Variants in CAPN15 observed in about 807,000 individuals in gnomAD.
CAPN15 encodes calpain-15.
In CAPN15, 53 loss-of-function variants were observed where a neutral mutation model predicts 97.9. The ratio of observed to expected loss-of-function variants is 0.54; its 90% CI spans 0.43 to 0.68. The LOEUF (loss-of-function observed/expected upper bound fraction) is 0.68. Ranked by LOEUF, CAPN15 falls within the 30% of genes least tolerant of loss-of-function variation. The probability of loss-of-function intolerance (pLI) is 0.00; values close to 1 mark genes in which losing one functional copy is unlikely to be tolerated. For missense variants in CAPN15, 1,592 were observed against 1,589.8 expected (o/e 1.00, Z -0.02); for synonymous variants, 922 against 722.5 (o/e 1.28, Z -4.43).
chr16:528,826 T>C, intron 1 of CAPN15: 4 of 920,010 alleles, frequency 4.3e-6, no homozygotes, highest in Non-Finnish European at 5.2e-6. Flanking sequence ...TGAAGAGTTG[T>C]GTGCTTCTCC....
intron 13 of CAPN15, 119 bp from the exon 14 acceptor site, chr16:553,220 C>G: frequency 1.7e-6 from 1 of 575,356 alleles, no homozygotes; most frequent in Non-Finnish European, 3.1e-6. Flanking sequence ...TACCCCTGCC[C>G]CCACCCCTGT....
At position 552,623 on chromosome 16, in the gene CAPN15, G is replaced by A. The variant is rs1360157305; in HGVS notation, c.2756G>A (p.Gly919Glu). 6.5e-7 allele frequency: 1 copy of A among 1,536,700 alleles called. No homozygotes were observed. The highest frequency in any genetic ancestry group is 8.7e-7 in the Non-Finnish European group (1 of 1,143,080). ...CTTGTAGCCTCCAGCCCCTCGGCAGGGGTCCCGAGAGCCTCCCCAGAGCCG... is the reference window on the plus strand; with the variant it reads ...CTTGTAGCCTCCAGCCCCTCGGCAGAGGTCCCGAGAGCCTCCCCAGAGCCG... ...PAPQASSPSA[G>E]VPRASPEPPG... The change falls in exon 12 of 14, where the codon GGG (glycine) becomes GAG (glutamate). Residue 919 changes from glycine (G) to glutamate (E), a missense_variant. Physicochemically the swap from Gly to Glu is moderately conservative, Grantham distance 98 (BLOSUM62 -2). Around this residue, in one of 3 missense-constraint regions of CAPN15, gnomAD observed 644 missense variants for 699.6 expected, o/e 0.92. Coordinates refer to ENST00000219611, the MANE Select transcript of CAPN15 (RefSeq NM_005632.3). The surrounding 1 kb of genome is among the most constrained non-coding windows in gnomAD (Gnocchi z 6.4).
rs1256375873 is a variant in CAPN15 at position 527,808 on chromosome 16, G to T, written c.-411G>T. The T allele has an allele frequency of 1.3e-5, 2 of 148,402 alleles. No homozygotes were observed. The highest frequency in any genetic ancestry group is 6.7e-5 in the Admixed American group (1 of 14,962). 9.2% of individuals were successfully genotyped at this position (148,402 alleles called of 1,614,324 possible). ...CGCTACGCTACGAAGGCAGCGTAAG[G>T]CGGGCGCCGGACGCGGGCAGGGGCC... On this transcript the variant is annotated 5_prime_UTR_variant, in exon 1 of 14. Coordinates refer to ENST00000219611, the MANE Select transcript of CAPN15 (RefSeq NM_005632.3).
rs1314985573 is a variant in CAPN15 at position 535,745 on chromosome 16, G to A, written c.-136-284G>A. On this transcript the variant is annotated intron_variant, in intron 2 of 13. Coordinates refer to ENST00000219611, the MANE Select transcript of CAPN15 (RefSeq NM_005632.3). This position sits in a 1 kb window ranked among gnomAD's most constrained non-coding sequence, Gnocchi z 6.2. ...TCTTGAGGCGCCGCCCTGAGAGTCAGCCCTGTGGTCACGGCTCCTGCTGGT... is the reference window on the plus strand; with the variant it reads ...TCTTGAGGCGCCGCCCTGAGAGTCAACCCTGTGGTCACGGCTCCTGCTGGT... Among the ~76,000 whole-genome samples, 1 of 152,134 alleles carries A rather than the reference G, an allele frequency of 6.6e-6. No individual in the cohort carries two copies. Among genetic ancestry groups the A allele is most frequent in the East Asian group, 1.9e-4 (1 of 5,190 alleles).
In CAPN15 at chr16:554,361, C is replaced by G; in HGVS notation, c.*845C>G. 2.6e-6 allele frequency: 1 copy of G among 386,358 alleles called. No homozygotes were observed. The highest frequency in any genetic ancestry group is 5.1e-6 in the Non-Finnish European group (1 of 194,776). The allele number at this position is 386,358 out of a possible 1,614,324, so 23.9% of individuals were successfully genotyped here. On this transcript the variant is annotated 3_prime_UTR_variant, in exon 14 of 14. Coordinates refer to ENST00000219611, the MANE Select transcript of CAPN15 (RefSeq NM_005632.3). ...CCCAGCTTTCTGCGTGCCCTCCTGG[C>G]CCCTCACTCCCGGCAGCGGGCCGGC...
Position 554,225 on chromosome 16 carries a change from T to C in CAPN15, c.*709T>C, listed in dbSNP as rs2035294713. ...GACCAGCAGGCTCCTCAGCCAACCC[T>C]GTCCCTCGGCCCGGCCCTGCCAGAG... On this transcript the variant is annotated 3_prime_UTR_variant, in exon 14 of 14. Transcript: ENST00000219611. The C allele has an allele frequency of 3.1e-6, 1 of 326,448 alleles. No homozygotes were observed. Among genetic ancestry groups the C allele is most frequent in the Non-Finnish European group, 6.0e-6 (1 of 165,864 alleles). 20.2% of individuals were successfully genotyped at this position (326,448 alleles called of 1,614,324 possible).
At chr16:548,572 A>G (rs2034764523) in intron 4 of CAPN15, among the ~76,000 whole-genome samples, 1 of 152,192 alleles carries the variant, frequency 6.6e-6, no homozygotes, top group Non-Finnish European at 1.5e-5. Flanking sequence ...GATGTGCCGC[A>G]GGAGGCGAGG....
At chr16:538,618 G>A (rs535270859) in intron 3 of CAPN15, 142 of 152,158 alleles carry the variant, frequency 9.3e-4, no homozygotes, top group African/African-American at 3.3e-3. Flanking sequence ...AAGGAGAGGG[G>A]ATCCAGAATT....
At chr16:551,959 C>T in intron 9 of CAPN15, 92 bp from the exon 10 acceptor site, 1 of 1,365,896 alleles carries the variant, frequency 7.3e-7, no homozygotes, top group Non-Finnish European at 1.0e-6. Flanking sequence ...CTGGCACCTG[C>T]TGGGGTCACC....
intron 1 of CAPN15, among the ~76,000 whole-genome samples, chr16:531,820 G>T (rs1182115678): frequency 6.6e-6 from 1 of 152,192 alleles, no homozygotes; most frequent in Non-Finnish European, 1.5e-5. Flanking sequence ...AGAGGCTTCT[G>T]CTTGGCCACC....
chr16:528,823 T>A (rs975068797), intron 1 of CAPN15: 1 of 928,910 alleles, frequency 1.1e-6, no homozygotes, highest in Non-Finnish European at 1.3e-6. Flanking sequence ...TGCTGAAGAG[T>A]TGTGTGCTTC....
chr16:549,342 G>A lies in CAPN15; in HGVS notation c.1713G>A (p.Val571=). Residue 571 remains valine (V), a synonymous_variant, in exon 6 of 14, where the codon GTG becomes GTA. Coordinates refer to ENST00000219611, the MANE Select transcript of CAPN15 (RefSeq NM_005632.3). The stretch of plus-strand genomic sequence containing the variant: ...AGCGGCCGGACCTGGTGGAGCGGGT[G>A]ATGGTCACGCGCAGCCTGTGTGCAG... ...LAERPDLVER[V]MVTRSLCAEG... 1.3e-6 allele frequency: 2 copies of A among 1,595,366 alleles called. No homozygotes were observed. The highest frequency in any genetic ancestry group is 2.2e-5 in the South Asian group (2 of 89,970).
In CAPN15 at chr16:552,712, C is replaced by A; in HGVS notation, c.2845C>A (p.Pro949Thr). Residue 949 changes from proline (P) to threonine (T), a missense_variant, in exon 12 of 14, where the codon CCG (proline) becomes ACG (threonine). By Grantham distance (38) the Pro-to-Thr change is conservative (BLOSUM62 -1). Transcript: ENST00000219611. The surrounding 1 kb of genome is among the most constrained non-coding windows in gnomAD (Gnocchi z 6.4). ...LVMVEPVEAQPTTLADAIILL... is the reference protein window; with the variant it reads ...LVMVEPVEAQTTTLADAIILL... ...CATGGTGGAGCCCGTGGAAGCCCAG[C>A]CGACCACGCTGGCCGACGCCATCAT... 6.5e-7 allele frequency: 1 copy of A among 1,544,432 alleles called. No individual in the cohort carries two copies. Among genetic ancestry groups the A allele is most frequent in the African/African-American group, 1.4e-5 (1 of 73,036 alleles).
At chr16:550,082 G>A (rs573486053) in intron 7 of CAPN15, among the ~76,000 whole-genome samples, 9 of 131,696 alleles carry the variant, frequency 6.8e-5, no homozygotes, top group Non-Finnish European at 1.2e-4. Context: ...GACCGATGCC[G>A]TCACCCCGGA....
chr16:552,682 C>G lies in CAPN15; in HGVS notation c.2815C>G (p.Leu939Val). ...CGTGCTGGCTGTGTACAGCTCGAGGCTGGTCATGGTGGAGCCCGTGGAAGC... is the reference window on the plus strand; with the variant it reads ...CGTGCTGGCTGTGTACAGCTCGAGGGTGGTCATGGTGGAGCCCGTGGAAGC... ...GHVLAVYSSR[L>V]VMVEPVEAQP... The change falls in exon 12 of 14, where the codon CTG (leucine) becomes GTG (valine). Residue 939 changes from leucine to valine, a missense_variant. By Grantham distance (32) the Leu-to-Val change is conservative (BLOSUM62 1). This residue lies in a region of CAPN15 where 644 missense variants were observed against 699.6 expected (regional missense o/e 0.92). Coordinates refer to ENST00000219611, the MANE Select transcript of CAPN15 (RefSeq NM_005632.3). The surrounding 1 kb of genome is among the most constrained non-coding windows in gnomAD (Gnocchi z 6.4). 1 of 1,544,420 alleles carries G rather than the reference C, an allele frequency of 6.5e-7. No individual in the cohort carries two copies. Among genetic ancestry groups the G allele is most frequent in the Non-Finnish European group, 8.7e-7 (1 of 1,146,146 alleles).
chr16:529,059 G>T (rs948153997), intron 1 of CAPN15, among the ~76,000 whole-genome samples: 14 of 152,184 alleles, frequency 9.2e-5, no homozygotes, highest in African/African-American at 3.1e-4. Context: ...GGCAGGTCCT[G>T]CAGGAAACCA....
At chr16:545,904 C>G (rs1165021280) in intron 3 of CAPN15, among the ~76,000 whole-genome samples, 2 of 152,224 alleles carry the variant, frequency 1.3e-5, no homozygotes, top group African/African-American at 2.4e-5. Context: ...CAGGTGCGGC[C>G]GGGAGCCCGC....
At chr16:540,401 G>T in intron 3 of CAPN15, 3 of 969,602 alleles carry the variant, frequency 3.1e-6, no homozygotes, top group Non-Finnish European at 3.7e-6. Flanking sequence ...GGCCCCGGAG[G>T]GCTCCCGGGG....
At position 551,606 on chromosome 16, in the gene CAPN15, C is replaced by T. The variant is rs1305813279; in HGVS notation, c.2287C>T (p.Leu763Phe). 2 of 1,607,926 alleles carry T rather than the reference C, an allele frequency of 1.2e-6. No homozygotes were observed. Among genetic ancestry groups the T allele is most frequent in the Non-Finnish European group, 1.7e-6 (2 of 1,178,798 alleles). ...CTGGCCGGGGCACCTGCGTGGCGAG[C>T]TCATGCCGCACGGCAGCAGTGAGGG... ...PHWPGHLRGE[L>F]MPHGSSEGVF... The change falls in exon 9 of 14, where the codon CTC becomes TTC. Residue 763 changes from leucine (L) to phenylalanine (F), a missense_variant. By Grantham distance (22) the Leu-to-Phe change is conservative (BLOSUM62 0). This residue lies in a region of CAPN15 where 644 missense variants were observed against 699.6 expected (regional missense o/e 0.92). Transcript: ENST00000219611.
Sources: gnomAD v4.1 joint callset for allele counts (sites outside exome capture counted in the v4.1 genomes callset) on GRCh38, gnomAD v4.1.1 for gene constraint, gnomAD v4.1.1 regional missense constraint, Gnocchi (gnomAD v3.1) non-coding constraint, MANE v1.5 for transcripts, NCBI Gene and HGNC (gene_info 2026-07-23, HGNC 2026-07-21) for gene names.